ARSG: variants seen among roughly 807,000 people sequenced by gnomAD.
The protein encoded by ARSG is ASG.
In ARSG, 37 loss-of-function variants were observed where a neutral mutation model predicts 50.5. The ratio of observed to expected loss-of-function variants is 0.73; its 90% CI spans 0.56 to 0.96. ARSG has a LOEUF of 0.96. ARSG is among the 50% of genes least tolerant of loss of function. The pLI, the probability that ARSG is intolerant of heterozygous loss-of-function variation, is 0.00. For synonymous variants in ARSG, 225 were observed against 254.6 expected (o/e 0.88, Z 1.11); for missense variants, 629 against 675.3 (o/e 0.93, Z 0.76).
intron 1 of ARSG, chr17:68,285,683 CA>C: frequency 6.6e-6 from 1 of 152,274 alleles, no homozygotes; most frequent in Non-Finnish European, 1.5e-5. Flanking sequence ...AAAACAAAAA[CA>C]AAAAAACTCC....
chr17:68,350,656 G>A (rs915731693), intron 4 of ARSG, among the ~76,000 whole-genome samples: 19 of 152,166 alleles, frequency 1.2e-4, no homozygotes, highest in South Asian at 4.1e-4. Flanking sequence ...GTGGTGGCAC[G>A]TGCCTGTAGT....
chr17:68,406,526 G>C (rs2081729122), intron 11 of ARSG, among the ~76,000 whole-genome samples: 1 of 152,102 alleles, frequency 6.6e-6, no homozygotes, highest in African/African-American at 2.4e-5. Context: ...CCTGTTCACC[G>C]TATCCATGCC....
intron 1 of ARSG, among the ~76,000 whole-genome samples, chr17:68,259,676 A>G (rs1485919197): frequency 6.6e-6 from 1 of 152,210 alleles, no homozygotes; most frequent in African/African-American, 2.4e-5. Flanking sequence ...ATCAATATCA[A>G]TGCTGAATGT....
At chr17:68,330,041 C>G (rs2077662274) in intron 2 of ARSG, among the ~76,000 whole-genome samples, 1 of 151,850 alleles carries the variant, frequency 6.6e-6, no homozygotes, top group Admixed American at 6.6e-5. Context: ...GAAACCCTGT[C>G]TCTATTAAAA....
At chr17:68,274,237 C>CA in intron 1 of ARSG, 1 of 607,924 alleles carries the variant, frequency 1.6e-6, no homozygotes, top group Non-Finnish European at 2.7e-6. Context: ...AGGTTGAGGA[C>CA]GGAGGATCGC....
At chr17:68,428,746 C>T in the ARSG span, 1 of 1,080,190 alleles carries the variant, frequency 9.3e-7, no homozygotes, top group Non-Finnish European at 1.4e-6. Context: ...TGCAAGGGCA[C>T]TGAAGCTTGT....
chr17:68,359,799 G>A (rs1230399835), intron 6 of ARSG: 1 of 152,186 alleles, frequency 6.6e-6, no homozygotes, highest in East Asian at 1.9e-4. Flanking sequence ...CAGCTCCTAA[G>A]GGCTTCAGAA....
chr17:68,397,123 C>T (rs2081282387), intron 10 of ARSG, among the ~76,000 whole-genome samples: 1 of 152,216 alleles, frequency 6.6e-6, no homozygotes, highest in Non-Finnish European at 1.5e-5. Flanking sequence ...GAGCTCTGCT[C>T]TTGCTCTAAC....
At chr17:68,337,076 C>T (rs138649105) in intron 2 of ARSG, among the ~76,000 whole-genome samples, 65 of 152,008 alleles carry the variant, frequency 4.3e-4, no homozygotes, top group African/African-American at 1.4e-3. Flanking sequence ...GGAGAATGAG[C>T]GGGAGTGAAG....
intron 1 of ARSG, among the ~76,000 whole-genome samples, chr17:68,298,836 A>G (rs2076304705): frequency 6.6e-6 from 1 of 151,932 alleles, no homozygotes; most frequent in Non-Finnish European, 1.5e-5. Context: ...CACTAATCCC[A>G]TTATCTCATG....
At chr17:68,313,685 T>C (rs1343082230) in intron 2 of ARSG, among the ~76,000 whole-genome samples, 2 of 147,968 alleles carry the variant, frequency 1.4e-5, no homozygotes, top group African/African-American at 4.9e-5. Context: ...CTCTCTCTCT[T>C]TTTTTTTTTT....
chr17:68,431,095 C>T, the ARSG span, among the ~76,000 whole-genome samples: 12 of 152,106 alleles, frequency 7.9e-5, no homozygotes, highest in South Asian at 2.1e-4. Context: ...CCCTGTGCTC[C>T]GGGCTGGGGT....
intron 1 of ARSG, among the ~76,000 whole-genome samples, chr17:68,279,148 G>A (rs1443201380): frequency 6.6e-6 from 1 of 151,884 alleles, no homozygotes; most frequent in Non-Finnish European, 1.5e-5. Context: ...CTCAACTTAG[G>A]CAAAAAAAGA....
chr17:68,405,732 G>A (rs1321082267), intron 11 of ARSG, among the ~76,000 whole-genome samples: 1 of 152,036 alleles, frequency 6.6e-6, no homozygotes, highest in Non-Finnish European at 1.5e-5. Flanking sequence ...TGGCAAAAAT[G>A]GCATTGAAAC....
At chr17:68,264,484 G>C (rs2075121365) in intron 1 of ARSG, among the ~76,000 whole-genome samples, 1 of 151,962 alleles carries the variant, frequency 6.6e-6, no homozygotes, top group South Asian at 2.1e-4. Context: ...TTGTTGCCCA[G>C]GCTGGGGTAC....
Position 68,346,736 on chromosome 17 carries a change from G to A in ARSG, c.407-389G>A, listed in dbSNP as rs1015264421. 50 of 1,268,110 alleles carry A rather than the reference G, an allele frequency of 3.9e-5. No individual in the cohort carries two copies. In the South Asian group the frequency reaches 4.1e-4, roughly 10 times the overall value. The allele number at this position is 1,268,110 out of a possible 1,614,324, so 78.6% of individuals were successfully genotyped here. A position where few individuals can be genotyped will look rare whatever the true frequency, so the allele number is the denominator to read the frequency against. On this transcript the variant is annotated intron_variant, in intron 3 of 11. Transcript: ENST00000621439. ...GGGCATTTCTGAGACGATGTGGGGC[G>A]GTGCACCTGCACCCTGGGCCTCCTG...
chr17:68,280,742 G>A (rs1378593583), intron 1 of ARSG, among the ~76,000 whole-genome samples: 1 of 152,148 alleles, frequency 6.6e-6, no homozygotes, highest in Non-Finnish European at 1.5e-5. Context: ...GATTTTTATG[G>A]ATAAGACTGG....
chr17:68,435,164 G>A, the ARSG span, among the ~76,000 whole-genome samples: 8 of 149,158 alleles, frequency 5.4e-5, no homozygotes, highest in Middle Eastern at 3.5e-3. Flanking sequence ...CCGAGATTGC[G>A]CCATTGCACT....
chr17:68,304,909 C>T (rs945095209), intron 1 of ARSG, among the ~76,000 whole-genome samples: 3 of 152,166 alleles, frequency 2.0e-5, no homozygotes, highest in Non-Finnish European at 4.4e-5. Flanking sequence ...TGTGGTGACT[C>T]ATGCATGTAA....
Sources: allele counts gnomAD v4.1 joint callset (sites outside exome capture counted in the v4.1 genomes callset), GRCh38; gene constraint gnomAD v4.1.1; transcripts MANE v1.5; gene names NCBI Gene and HGNC (gene_info 2026-07-23, HGNC 2026-07-21).